Variants in RGS7 observed in about 807,000 individuals in gnomAD.
The protein encoded by RGS7 is regulator of G protein signaling 7.
In RGS7, 27 loss-of-function variants were observed where a neutral mutation model predicts 81.1. The observed-to-expected ratio is 0.33, with a 90% CI of 0.25 to 0.46. The LOEUF is 0.46. Among genes scored for constraint, RGS7 ranks in the 20% least tolerant of loss-of-function variants. RGS7 has a pLI of 1.00. For synonymous variants in RGS7, 208 were observed against 207.7 expected (o/e 1.00, Z -0.01); for missense variants, 396 against 607.4 (o/e 0.65, Z 3.66).
intron 2 of RGS7, among the ~76,000 whole-genome samples, chr1:241,190,149 C>T (rs1037916707): frequency 3.9e-5 from 6 of 151,982 alleles, no homozygotes; most frequent in African/African-American, 1.4e-4. Context: ...ACTTCCACAC[C>T]ATCTATTGTG....
At chr1:240,932,990 T>TCTC (rs1675861487) in intron 5 of RGS7, among the ~76,000 whole-genome samples, 1 of 144,964 alleles carries the variant, frequency 6.9e-6, no homozygotes, top group Non-Finnish European at 1.5e-5. Context: ...TTCACGCCAT[T>TCTC]CTCCTGCCTC....
At chr1:241,256,272 A>G (rs2077048832) in intron 2 of RGS7, among the ~76,000 whole-genome samples, 1 of 152,224 alleles carries the variant, frequency 6.6e-6, no homozygotes, top group South Asian at 2.1e-4. Context: ...GGGTGGTTGT[A>G]AAAATTTAAA....
chr1:241,173,594 G>A (rs2070889418), intron 2 of RGS7, among the ~76,000 whole-genome samples: 1 of 152,076 alleles, frequency 6.6e-6, no homozygotes. Context: ...AGACCAGCCT[G>A]TGCAACACAG....
At chr1:241,193,607 A>G (rs966076243) in intron 2 of RGS7, among the ~76,000 whole-genome samples, 3 of 152,248 alleles carry the variant, frequency 2.0e-5, no homozygotes, top group Non-Finnish European at 4.4e-5. Flanking sequence ...AATGGTCTAG[A>G]GCAGTCTTCA....
intron 2 of RGS7, among the ~76,000 whole-genome samples, chr1:241,259,667 A>AAAATATATATATATATATATAT: frequency 2.0e-5 from 1 of 49,142 alleles, no homozygotes; most frequent in African/African-American, 8.0e-5. Flanking sequence ...AAAAAAAAAA[A>AAAATATATATATATATATATAT]ATATATATAT....
chr1:241,147,813 T>TATATAC (rs2068450999), intron 2 of RGS7, among the ~76,000 whole-genome samples: 1 of 133,562 alleles, frequency 7.5e-6, no homozygotes, highest in Admixed American at 7.5e-5. Context: ...TATATATATA[T>TATATAC]ATATATGTAA....
At chr1:241,329,943 T>G (rs1344538969) in intron 2 of RGS7, among the ~76,000 whole-genome samples, 4 of 152,112 alleles carry the variant, frequency 2.6e-5, no homozygotes, top group Non-Finnish European at 5.9e-5. Context: ...TTGTTTGTTT[T>G]TTGTTTTTTG....
chr1:241,264,927 A>T (rs1469793942), intron 2 of RGS7, among the ~76,000 whole-genome samples: 1 of 152,224 alleles, frequency 6.6e-6, no homozygotes, highest in East Asian at 1.9e-4. Context: ...CCTAACTGCA[A>T]GTTTCCCCCT....
At chr1:241,261,026 A>G (rs1045975697) in intron 2 of RGS7, among the ~76,000 whole-genome samples, 1 of 152,020 alleles carries the variant, frequency 6.6e-6, no homozygotes, top group African/African-American at 2.4e-5. Context: ...TACGTATGTA[A>G]CTAACCTGCA....
chr1:241,062,827 T>G (rs143587744), intron 3 of RGS7, among the ~76,000 whole-genome samples: 32 of 152,336 alleles, frequency 2.1e-4, no homozygotes, highest in African/African-American at 6.7e-4. Context: ...AAATTCACTA[T>G]GAACACTAAC....
intron 2 of RGS7, among the ~76,000 whole-genome samples, chr1:241,125,027 G>A (rs1303312659): frequency 6.6e-6 from 1 of 152,156 alleles, no homozygotes; most frequent in South Asian, 2.1e-4. Flanking sequence ...TGTTTTGCAC[G>A]GTCATGCCCT....
At chr1:241,085,421 C>T (rs1051960772) in intron 3 of RGS7, among the ~76,000 whole-genome samples, 1 of 151,470 alleles carries the variant, frequency 6.6e-6, no homozygotes, top group Non-Finnish European at 1.5e-5. Context: ...TTCTCTCTCA[C>T]ACTCTATTTA....
intron 4 of RGS7, among the ~76,000 whole-genome samples, chr1:240,950,845 C>T (rs1213811496): frequency 1.3e-5 from 2 of 152,070 alleles, no homozygotes; most frequent in Non-Finnish European, 2.9e-5. Context: ...GGTCCAAGTA[C>T]TAAACCATAA....
chr1:241,004,005 C>T (rs951338605), intron 3 of RGS7, among the ~76,000 whole-genome samples: 2 of 152,126 alleles, frequency 1.3e-5, no homozygotes, highest in Non-Finnish European at 2.9e-5. Context: ...CCTGAGCCAC[C>T]GTGCCCGGCC....
intron 2 of RGS7, among the ~76,000 whole-genome samples, chr1:241,273,175 ACC>A (rs56000973): frequency 2.1e-4 from 22 of 105,102 alleles, no homozygotes; most frequent in African/African-American, 3.4e-4. Flanking sequence ...ATAATAATGA[ACC>A]CCCCCCCCCA....
At chr1:241,118,008 G>T (rs1405488193) in intron 2 of RGS7, among the ~76,000 whole-genome samples, 1 of 152,180 alleles carries the variant, frequency 6.6e-6, no homozygotes, top group Non-Finnish European at 1.5e-5. Flanking sequence ...GCACATACAT[G>T]TGTATTCCAA....
intron 1 of RGS7, among the ~76,000 whole-genome samples, 192 bp downstream of exon 1, chr1:241,356,707 G>C (rs553419060): frequency 2.6e-5 from 4 of 151,152 alleles, no homozygotes; most frequent in Non-Finnish European, 5.9e-5. Flanking sequence ...CCGGAGCCGG[G>C]CAGCAGTTTC....
intron 6 of RGS7, among the ~76,000 whole-genome samples, chr1:240,874,137 GCCCTCC>G (rs1664954915): frequency 6.6e-6 from 1 of 152,142 alleles, no homozygotes; most frequent in Admixed American, 6.5e-5. Context: ...CAGAAAGTGG[GCCCTCC>G]CCAGACATCA....
At chr1:241,349,126 A>G (rs1299917140) in intron 2 of RGS7, among the ~76,000 whole-genome samples, 5 of 152,244 alleles carry the variant, frequency 3.3e-5, no homozygotes, top group Non-Finnish European at 5.9e-5. Flanking sequence ...TCTATGAAGA[A>G]AACATTAAAA....
Sources: gnomAD v4.1 joint callset for allele counts (sites outside exome capture counted in the v4.1 genomes callset) on GRCh38, gnomAD v4.1.1 for gene constraint, MANE v1.5 for transcripts, NCBI Gene and HGNC (gene_info 2026-07-23, HGNC 2026-07-21) for gene names.